The following SPATA13 variants were observed in gnomAD, a reference collection of about 807,000 sequenced individuals.
The protein encoded by SPATA13 is spermatogenesis associated 13, also known as spermatogenesis-associated protein 13.
A neutral mutation model predicts 104.0 loss-of-function variants in SPATA13; 50 were observed. That is an observed-to-expected ratio of 0.48 (90% CI 0.38 to 0.61). The LOEUF is 0.61. Ranked by LOEUF, SPATA13 falls within the 20% of genes least tolerant of loss-of-function variation. The pLI, the probability that SPATA13 is intolerant of heterozygous loss-of-function variation, is 0.00. For synonymous variants in SPATA13, 606 were observed against 667.5 expected (o/e 0.91, Z 1.42); for missense variants, 1,524 against 1,690.6 (o/e 0.90, Z 1.73).
chr13:24,251,921 G>C (rs538101417), intron 4 of SPATA13, 59 bp downstream of exon 4: 2 of 1,554,564 alleles, frequency 1.3e-6, no homozygotes, highest in African/African-American at 2.7e-5. Context: ...ACCGTTTCCA[G>C]CTAACCTGAG....
At chr13:24,278,596 C>T in intron 4 of SPATA13, 2 of 1,430,548 alleles carry the variant, frequency 1.4e-6, no homozygotes, top group East Asian at 2.7e-5. Flanking sequence ...CAATTCTATA[C>T]TGTTTTTCAA....
chr13:24,152,535 C>G (rs1274301076), intron 3 of SPATA13, among the ~76,000 whole-genome samples: 1 of 152,202 alleles, frequency 6.6e-6, no homozygotes, highest in Non-Finnish European at 1.5e-5. Flanking sequence ...TCTTGCACAG[C>G]GGGTGTTCTA....
intron 3 of SPATA13, among the ~76,000 whole-genome samples, chr13:24,107,586 C>T (rs1053402960): frequency 1.3e-5 from 2 of 152,170 alleles, no homozygotes; most frequent in Non-Finnish European, 2.9e-5. Context: ...TACCTCCATG[C>T]CAACTCTTAG....
intron 3 of SPATA13, among the ~76,000 whole-genome samples, chr13:24,086,287 G>T (rs7984482): frequency 0.72 from 109,481 of 152,080 alleles, 39,598 homozygotes; most frequent in East Asian, 0.9. Context: ...GCTAAAAAAA[G>T]GGATCTGAAA....
intron 2 of SPATA13, chr13:23,984,060 A>G (rs1268606211): frequency 8.5e-6 from 4 of 472,878 alleles, no homozygotes; most frequent in East Asian, 3.0e-4. Context: ...TCACTGAGGC[A>G]TTGAGCAACT....
chr13:23,994,314 G>C (rs73461353), intron 2 of SPATA13, among the ~76,000 whole-genome samples: 3,668 of 152,302 alleles, frequency 0.024, 135 homozygotes, highest in African/African-American at 0.083. Context: ...ATCTCATGTA[G>C]TATGAATGGA....
At chr13:24,248,289 C>T (rs117630957) in intron 2 of SPATA13, among the ~76,000 whole-genome samples, 1 of 152,296 alleles carries the variant, frequency 6.6e-6, no homozygotes, top group East Asian at 1.9e-4. Context: ...ACCATTGTTG[C>T]GTCTCATCCT....
intron 8 of SPATA13, among the ~76,000 whole-genome samples, chr13:24,290,325 G>A (rs1876248388): frequency 6.6e-6 from 1 of 152,222 alleles, no homozygotes; most frequent in Admixed American, 6.5e-5. Context: ...ATTTGTGGGA[G>A]GGGGACGTTA....
intron 3 of SPATA13, among the ~76,000 whole-genome samples, chr13:24,104,413 G>T (rs547196641): frequency 6.6e-6 from 1 of 152,218 alleles, no homozygotes; most frequent in South Asian, 2.1e-4. Flanking sequence ...CTCAAGGCAG[G>T]CATAAATCCG....
chr13:24,185,919 C>T (rs1566138423), intron 1 of SPATA13, among the ~76,000 whole-genome samples: 1 of 151,982 alleles, frequency 6.6e-6, no homozygotes, highest in Non-Finnish European at 1.5e-5. Context: ...GTCTGGCAGG[C>T]GTTGATGTTT....
intron 3 of SPATA13, among the ~76,000 whole-genome samples, chr13:24,080,218 T>C (rs1879464948): frequency 6.6e-6 from 1 of 152,220 alleles, no homozygotes; most frequent in Non-Finnish European, 1.5e-5. Context: ...CATGACCGTA[T>C]GTCAAAACAG....
intron 3 of SPATA13, among the ~76,000 whole-genome samples, chr13:24,142,716 CTTCTCCTCCTTT>C (rs1332965679): frequency 6.6e-6 from 1 of 151,846 alleles, no homozygotes; most frequent in Non-Finnish European, 1.5e-5. Context: ...CTCCCTTCTT[CTTCTCCTCCTTT>C]TTCTCCTTCT....
At chr13:24,010,607 G>A (rs902948304) in intron 2 of SPATA13, among the ~76,000 whole-genome samples, 4 of 151,868 alleles carry the variant, frequency 2.6e-5, no homozygotes, top group Non-Finnish European at 2.9e-5. Context: ...TTGATCCCTC[G>A]TGCCTGGAAG....
At chr13:24,039,280 C>T (rs1377796666) in intron 3 of SPATA13, among the ~76,000 whole-genome samples, 1 of 152,184 alleles carries the variant, frequency 6.6e-6, no homozygotes. Flanking sequence ...ATCCCTCTAC[C>T]AGCTACTACT....
At chr13:24,235,244 AG>A (rs1872512690) in intron 2 of SPATA13, among the ~76,000 whole-genome samples, 1 of 152,226 alleles carries the variant, frequency 6.6e-6, no homozygotes, top group South Asian at 2.1e-4. Context: ...CTACTGAATT[AG>A]AGTCCCTGAG....
At chr13:24,248,956 G>T (rs1202544187) in intron 2 of SPATA13, among the ~76,000 whole-genome samples, 1 of 147,524 alleles carries the variant, frequency 6.8e-6, no homozygotes, top group African/African-American at 2.5e-5. Context: ...TGCAACTTTT[G>T]CCTCCCAGGA....
intron 3 of SPATA13, among the ~76,000 whole-genome samples, chr13:24,130,256 A>G (rs1236245765): frequency 6.6e-6 from 1 of 152,184 alleles, no homozygotes; most frequent in Non-Finnish European, 1.5e-5. Flanking sequence ...CCATGGCTTC[A>G]CACACACGGC....
At chr13:23,991,195 A>G (rs1456228755) in intron 2 of SPATA13, among the ~76,000 whole-genome samples, 1 of 152,238 alleles carries the variant, frequency 6.6e-6, no homozygotes, top group Admixed American at 6.5e-5. Flanking sequence ...GGAATGCAGC[A>G]TCACTCAAAT....
At chr13:24,221,267 G>A (rs1871569716) in intron 1 of SPATA13, among the ~76,000 whole-genome samples, 1 of 152,146 alleles carries the variant, frequency 6.6e-6, no homozygotes, top group South Asian at 2.1e-4. Flanking sequence ...GACCTCTTAG[G>A]TTTCTGTGTG....
Sources: allele counts gnomAD v4.1 joint callset (sites outside exome capture counted in the v4.1 genomes callset), GRCh38; gene constraint gnomAD v4.1.1; transcripts MANE v1.5; gene names NCBI Gene and HGNC (gene_info 2026-07-23, HGNC 2026-07-21).